The following CDH13 variants were observed in gnomAD, a reference collection of about 807,000 sequenced individuals.
CDH13 encodes the protein cadherin 13.
Under a neutral mutation model 63.8 loss-of-function variants are expected in CDH13, and 24 were observed. The ratio of observed to expected loss-of-function variants is 0.38; its 90% CI spans 0.27 to 0.53. CDH13 has a LOEUF of 0.53. Ranked by LOEUF, CDH13 falls within the 20% of genes least tolerant of loss-of-function variation. The pLI is 0.85. For synonymous variants in CDH13, 503 were observed against 355.3 expected (o/e 1.42, Z -4.67); for missense variants, 1,049 against 903.1 (o/e 1.16, Z -2.07).
intron 7 of CDH13, among the ~76,000 whole-genome samples, chr16:83,582,715 C>T (rs777087225): frequency 3.9e-5 from 6 of 152,256 alleles, no homozygotes; most frequent in South Asian, 2.1e-4. Context: ...CGTGTGCTGA[C>T]GGCCAGTGGA....
intron 7 of CDH13, among the ~76,000 whole-genome samples, chr16:83,552,401 C>A (rs1255832346): frequency 6.6e-6 from 1 of 152,168 alleles, no homozygotes; most frequent in African/African-American, 2.4e-5. Flanking sequence ...CTGTCAGTTC[C>A]AGTGGAGGAT....
intron 3 of CDH13, among the ~76,000 whole-genome samples, chr16:83,119,046 A>C (rs1442391237): frequency 6.6e-6 from 1 of 152,112 alleles, no homozygotes; most frequent in African/African-American, 2.4e-5. Flanking sequence ...CGCCTAGCAC[A>C]CACCAAAAGC....
At chr16:83,561,215 G>C (rs2075701625) in intron 7 of CDH13, among the ~76,000 whole-genome samples, 1 of 151,970 alleles carries the variant, frequency 6.6e-6, no homozygotes, top group Non-Finnish European at 1.5e-5. Flanking sequence ...GGGAGGCTGA[G>C]GTGGGCAGTT....
chr16:83,288,243 T>A (rs1228106643), intron 5 of CDH13, among the ~76,000 whole-genome samples: 1 of 152,176 alleles, frequency 6.6e-6, no homozygotes, highest in Non-Finnish European at 1.5e-5. Flanking sequence ...GCTAACTCAC[T>A]CTTAGCGCCT....
At chr16:83,415,896 C>G (rs566365791) in intron 6 of CDH13, among the ~76,000 whole-genome samples, 1 of 152,188 alleles carries the variant, frequency 6.6e-6, no homozygotes, top group Non-Finnish European at 1.5e-5. Context: ...CCTGGAAGTC[C>G]TCACAGGAGC....
intron 4 of CDH13, among the ~76,000 whole-genome samples, chr16:83,132,485 G>T (rs1463703925): frequency 1.7e-4 from 20 of 115,274 alleles, no homozygotes; most frequent in Non-Finnish European, 2.9e-4. Flanking sequence ...GTCTTTCTCT[G>T]TCACCAGGCT....
chr16:83,441,823 G>A (rs972493539), intron 6 of CDH13, among the ~76,000 whole-genome samples: 1 of 152,154 alleles, frequency 6.6e-6, no homozygotes, highest in Non-Finnish European at 1.5e-5. Context: ...ACTCCAAAAG[G>A]AAATGTTTCA....
chr16:82,951,416 A>G (rs965180418), intron 2 of CDH13, among the ~76,000 whole-genome samples: 5 of 152,192 alleles, frequency 3.3e-5, no homozygotes, highest in Admixed American at 6.5e-5. Flanking sequence ...ATATTCAGCT[A>G]TTGGCATGGG....
chr16:82,840,684 CAAAAA>C (rs753429857), intron 1 of CDH13, among the ~76,000 whole-genome samples: 1 of 86,750 alleles, frequency 1.2e-5, no homozygotes, highest in Non-Finnish European at 2.2e-5. Context: ...GAATCCATCT[CAAAAA>C]AAAAAAAAAA....
intron 11 of CDH13, among the ~76,000 whole-genome samples, chr16:83,758,529 T>A (rs1299227213): frequency 1.3e-5 from 2 of 152,102 alleles, no homozygotes; most frequent in Non-Finnish European, 2.9e-5. Flanking sequence ...AGTAAAAACT[T>A]TTTTTGTGAC....
chr16:82,802,204 G>C (rs1022663997), intron 1 of CDH13, among the ~76,000 whole-genome samples: 3 of 152,116 alleles, frequency 2.0e-5, no homozygotes, highest in Non-Finnish European at 4.4e-5. Flanking sequence ...TCCAGTGGCC[G>C]CAGAAAGTCC....
rs575381799 is a variant in CDH13, at chr16:82,950,157, G to C, written c.158-81853G>C. 3.9e-5 allele frequency among the ~76,000 whole-genome samples: 6 copies of C among 152,186 alleles called. 1 individual carries two copies. The South Asian group carries it at 1.2e-3, about 32-fold the overall frequency. ...CTAAGGTCAAGGTGTAGGTAGGGCT[G>C]GTTTCTTCTGAGGGCTGTGAGGGGA... is the stretch of plus-strand genomic sequence containing the variant. On this transcript the variant is annotated intron_variant, in intron 2 of 13. Coordinates refer to ENST00000567109, the MANE Select transcript of CDH13 (RefSeq NM_001257.5).
At chr16:83,043,071 G>T (rs1464378384) in intron 3 of CDH13, among the ~76,000 whole-genome samples, 2 of 152,184 alleles carry the variant, frequency 1.3e-5, no homozygotes, top group South Asian at 2.1e-4. Context: ...ACGGATCCAA[G>T]AATTGGGCCT....
At chr16:83,179,503 T>C (rs1324344678) in intron 4 of CDH13, among the ~76,000 whole-genome samples, 1 of 67,216 alleles carries the variant, frequency 1.5e-5, no homozygotes, top group African/African-American at 1.1e-4. Flanking sequence ...AAAAAAAAAA[T>C]TAGCCGGGCG....
rs7196370 is a variant in CDH13 at position 83,125,745 on chromosome 16, A to C, written c.483+244A>C. On this transcript the variant is annotated intron_variant, in intron 4 of 13. Transcript: ENST00000567109. ...AACATGGTAGATGATGTTGAAATTA[A>C]GCAGGAAGATGTCAATGGTTAAGAA... Among the ~76,000 whole-genome samples the C allele has an allele frequency of 0.93, 141,364 of 152,230 alleles. 65,934 individuals carry two copies. Among genetic ancestry groups the C allele is most frequent in the Non-Finnish European group, 0.97 (65,952 of 68,038 alleles).
At chr16:82,897,131 G>T (rs1185757518) in intron 2 of CDH13, among the ~76,000 whole-genome samples, 1 of 152,102 alleles carries the variant, frequency 6.6e-6, no homozygotes, top group Admixed American at 6.6e-5. Flanking sequence ...GAGAGTACTT[G>T]AGCCAAAGTT....
intron 2 of CDH13, among the ~76,000 whole-genome samples, chr16:83,015,677 G>GTATATATA (rs71148803): frequency 0.051 from 1,899 of 37,436 alleles, 230 homozygotes; most frequent in Middle Eastern, 0.067. Context: ...GTGTGTGTAT[G>GTATATATA]TATATATATA....
intron 5 of CDH13, among the ~76,000 whole-genome samples, chr16:83,281,423 T>C (rs1311745055): frequency 1.3e-5 from 2 of 152,230 alleles, no homozygotes; most frequent in African/African-American, 2.4e-5. Flanking sequence ...TAGTTTGATC[T>C]TTTATCCAGA....
intron 1 of CDH13, among the ~76,000 whole-genome samples, chr16:82,831,125 C>G (rs536261999): frequency 6.6e-6 from 1 of 152,006 alleles, no homozygotes; most frequent in Non-Finnish European, 1.5e-5. Context: ...AGCACCTAGG[C>G]GCCGCACCAG....
Sources: gnomAD v4.1 joint callset for allele counts (sites outside exome capture counted in the v4.1 genomes callset) on GRCh38, gnomAD v4.1.1 for gene constraint, MANE v1.5 for transcripts, NCBI Gene and HGNC (gene_info 2026-07-23, HGNC 2026-07-21) for gene names.